Variants in SIL1 observed in about 807,000 individuals in gnomAD.
SIL1 encodes nucleotide exchange factor SIL1.
In SIL1, 40 loss-of-function variants were observed where a neutral mutation model predicts 49.1. The ratio of observed to expected loss-of-function variants is 0.81; its 90% CI spans 0.63 to 1.06. The LOEUF is 1.06. SIL1 is among the 50% of genes least tolerant of loss of function. SIL1 has a pLI of 0.00. For missense variants in SIL1, 500 were observed against 572.6 expected (o/e 0.87, Z 1.29); for synonymous variants, 253 against 250.8 (o/e 1.01, Z -0.08).
At chr5:139,067,279 A>G (rs1269901617) in intron 3 of SIL1, among the ~76,000 whole-genome samples, 1 of 152,230 alleles carries the variant, frequency 6.6e-6, no homozygotes, top group African/African-American at 2.4e-5. Context: ...AGATACAAAG[A>G]CTGAGAATTG....
Position 139,127,921 on chromosome 5 carries a change from T to C in SIL1, c.-10-68A>G, listed in dbSNP as rs755627951. The C allele has an allele frequency of 4.1e-6, 4 of 980,880 alleles. No homozygotes were observed. In the South Asian group the frequency reaches 4.2e-5, roughly 10 times the overall value. 60.8% of individuals were successfully genotyped at this position (980,880 alleles called of 1,614,324 possible). On this transcript the variant is annotated intron_variant, in intron 1 of 9. Coordinates refer to ENST00000394817, the MANE Select transcript of SIL1 (RefSeq NM_022464.5). ...AATGCTTGGTTCCCCCGCACTGTGA[T>C]TCCCATGTCGTCACTTGCTCACATG... is the stretch of plus-strand genomic sequence containing the variant.
At chr5:138,996,812 C>T (rs1767880531) in intron 7 of SIL1, among the ~76,000 whole-genome samples, 1 of 152,092 alleles carries the variant, frequency 6.6e-6, no homozygotes. Context: ...GCCACCATGC[C>T]CAGCCTGTGC....
intron 1 of SIL1, among the ~76,000 whole-genome samples, chr5:139,161,731 T>G (rs1169903779): frequency 6.6e-6 from 1 of 151,956 alleles, no homozygotes; most frequent in Non-Finnish European, 1.5e-5. Flanking sequence ...GAATTAGAAT[T>G]GCTGGCCAGG....
intron 7 of SIL1, among the ~76,000 whole-genome samples, chr5:139,009,159 A>C: frequency 6.6e-6 from 1 of 150,478 alleles, no homozygotes; most frequent in African/African-American, 2.5e-5. Context: ...TATTGGGTGC[A>C]TATATATTTA....
At chr5:139,102,709 T>C (rs1378754052) in intron 3 of SIL1, among the ~76,000 whole-genome samples, 3 of 51,860 alleles carry the variant, frequency 5.8e-5, no homozygotes, top group Non-Finnish European at 1.6e-4. Context: ...TGCTTTTTTC[T>C]TTTTTTTTTT....
chr5:139,035,642 CTTTTT>C, intron 5 of SIL1: 193 of 158,872 alleles, frequency 1.2e-3, no homozygotes, highest in South Asian at 2.4e-3. Flanking sequence ...AGGTATACAA[CTTTTT>C]TTTTTTTTTT....
At chr5:138,984,407 G>A (rs1450011094) in intron 7 of SIL1, among the ~76,000 whole-genome samples, 1 of 146,440 alleles carries the variant, frequency 6.8e-6, no homozygotes, top group East Asian at 2.0e-4. Context: ...CACCCAGGCT[G>A]GAGTGCAGTG....
intron 5 of SIL1, among the ~76,000 whole-genome samples, chr5:139,038,243 T>C (rs1220110360): frequency 6.6e-6 from 1 of 152,260 alleles, no homozygotes; most frequent in Non-Finnish European, 1.5e-5. Context: ...GTGATTGTCC[T>C]GGTTCTTGGT....
At chr5:139,076,880 C>T (rs1345496558) in intron 3 of SIL1, among the ~76,000 whole-genome samples, 2 of 152,200 alleles carry the variant, frequency 1.3e-5, no homozygotes, top group Admixed American at 6.5e-5. Flanking sequence ...CCTATAATCC[C>T]AGCACTTTGG....
chr5:138,995,903 T>A (rs2150408549), intron 7 of SIL1, among the ~76,000 whole-genome samples: 1 of 152,386 alleles, frequency 6.6e-6, no homozygotes, highest in East Asian at 1.9e-4. Flanking sequence ...TCTTTTATTG[T>A]GTATATGTGC....
intron 3 of SIL1, among the ~76,000 whole-genome samples, chr5:139,085,748 A>T (rs1770203992): frequency 6.6e-6 from 1 of 152,164 alleles, no homozygotes. Context: ...GGCTGAAAAC[A>T]TGGGATGGGG....
At chr5:139,171,875 T>C (rs1751779218) in intron 1 of SIL1, among the ~76,000 whole-genome samples, 1 of 151,818 alleles carries the variant, frequency 6.6e-6, no homozygotes, top group African/African-American at 2.4e-5. Flanking sequence ...GAAAACAATG[T>C]TTGGAAAAAG....
At chr5:139,128,826 G>A (rs1750805676) in intron 1 of SIL1, among the ~76,000 whole-genome samples, 1 of 152,096 alleles carries the variant, frequency 6.6e-6, no homozygotes, top group Admixed American at 6.6e-5. Flanking sequence ...GACATTTCGG[G>A]GGACCCAGAA....
intron 7 of SIL1, among the ~76,000 whole-genome samples, chr5:139,020,288 G>A (rs1768491550): frequency 1.3e-5 from 2 of 152,224 alleles, no homozygotes; most frequent in Non-Finnish European, 2.9e-5. Context: ...TTCAGAGTGA[G>A]AGAGCATCAG....
intron 7 of SIL1, among the ~76,000 whole-genome samples, chr5:139,005,414 T>A (rs1581023019): frequency 6.6e-6 from 1 of 151,328 alleles, no homozygotes; most frequent in African/African-American, 2.4e-5. Context: ...TACCTATAAT[T>A]TTTTAAATTT....
chr5:138,993,438 A>G (rs1379170610), intron 7 of SIL1, among the ~76,000 whole-genome samples: 2 of 152,214 alleles, frequency 1.3e-5, no homozygotes, highest in Non-Finnish European at 2.9e-5. Flanking sequence ...TCACTTCCAG[A>G]AATATGATGT....
intron 3 of SIL1, among the ~76,000 whole-genome samples, chr5:139,113,263 C>T (rs1169074901): frequency 6.6e-6 from 1 of 151,650 alleles, no homozygotes; most frequent in Non-Finnish European, 1.5e-5. Context: ...GCCAAATCCC[C>T]CTCTGCGAGA....
chr5:139,129,983 A>C (rs1388835027), intron 1 of SIL1, among the ~76,000 whole-genome samples: 2 of 152,224 alleles, frequency 1.3e-5, no homozygotes, highest in Admixed American at 6.5e-5. Flanking sequence ...TGTTATGGGT[A>C]TATTGTCCAG....
intron 7 of SIL1, among the ~76,000 whole-genome samples, chr5:139,020,732 G>A (rs1252406255): frequency 1.3e-5 from 2 of 152,154 alleles, no homozygotes; most frequent in Non-Finnish European, 1.5e-5. Context: ...GCGATAATCT[G>A]ACGGCATGTA....
Sources: allele counts gnomAD v4.1 joint callset (sites outside exome capture counted in the v4.1 genomes callset), GRCh38; gene constraint gnomAD v4.1.1; transcripts MANE v1.5; gene names NCBI Gene and HGNC (gene_info 2026-07-23, HGNC 2026-07-21).